EIF4ENIF1: variants seen among roughly 807,000 people sequenced by gnomAD.
The protein encoded by EIF4ENIF1 is eukaryotic translation initiation factor 4E nuclear import factor 1, also known as eukaryotic translation initiation factor 4E transporter.
Under a neutral mutation model 110.5 loss-of-function variants are expected in EIF4ENIF1, and 23 were observed. That is an observed-to-expected ratio of 0.21 (90% confidence interval 0.15 to 0.29). EIF4ENIF1 has a LOEUF of 0.29. EIF4ENIF1 is among the 10% of genes least tolerant of loss of function. The pLI, the probability that EIF4ENIF1 is intolerant of heterozygous loss-of-function variation, is 1.00. For missense variants in EIF4ENIF1, 1,031 were observed against 1,221.1 expected, an observed-to-expected ratio of 0.84 and a Z score of 2.32; for synonymous variants, 440 against 437.0, an observed-to-expected ratio of 1.01 and a Z score of -0.09.
At position 31,448,323 on chromosome 22, in the gene EIF4ENIF1, G is replaced by A. The variant is rs1354168062; in HGVS notation, c.1769-91C>T. ...TAATGCATGACATTTCTTGCTGAAC[G>A]CCATCTCTTGGAAAGCACTGATTTA... On this transcript the variant is annotated intron_variant, in intron 12 of 18. Transcript: ENST00000330125. The A allele has an allele frequency of 2.3e-5, 29 of 1,251,254 alleles. No individual in the cohort carries two copies. In the East Asian group the frequency reaches 4.7e-4, roughly 20 times the overall value. The allele number at this position is 1,251,254 out of a possible 1,614,324, so 77.5% of individuals were successfully genotyped here. A position where few individuals can be genotyped will look rare whatever the true frequency, so the allele number is the denominator to read the frequency against.
chr22:31,468,320 C>G lies in EIF4ENIF1; in HGVS notation c.171-18G>C, dbSNP rs747370409. 3.7e-6 allele frequency: 6 copies of G among 1,614,128 alleles called. 1 individual carries two copies. The South Asian group carries it at 6.6e-5, about 18-fold the overall frequency. ...CACCATCACTACAGGTCAAAAAATA[C>G]AACTGTTAGCACTTACGCCCATGAA... On this transcript the variant is annotated intron_variant, in intron 3 of 18. Transcript: ENST00000330125.
intron 14 of EIF4ENIF1, 139 bp from the exon 15 acceptor site, chr22:31,444,829 T>C (rs2050411903): frequency 1.3e-5 from 10 of 753,908 alleles, no homozygotes; most frequent in Non-Finnish European, 2.2e-5. Context: ...CATTTAGGCC[T>C]AACATACACA....
chr22:31,456,188 A>ACCAT (rs1485103677), intron 7 of EIF4ENIF1, among the ~76,000 whole-genome samples: 1 of 151,344 alleles, frequency 6.6e-6, no homozygotes, highest in Non-Finnish European at 1.5e-5. Flanking sequence ...CTTGAGTATA[A>ACCAT]CCATCTACTT....
At chr22:31,444,003 G>T (rs183708672) in intron 15 of EIF4ENIF1, among the ~76,000 whole-genome samples, 28 of 152,162 alleles carry the variant, frequency 1.8e-4, no homozygotes, top group Middle Eastern at 3.4e-3. Context: ...TCACTAGGTT[G>T]CCCAGTCTGG....
At chr22:31,475,717 C>T (rs1008284837) in intron 2 of EIF4ENIF1, among the ~76,000 whole-genome samples, 5 of 119,056 alleles carry the variant, frequency 4.2e-5, no homozygotes, top group Admixed American at 8.7e-5. Flanking sequence ...AGCGAGACTC[C>T]GTTTAAAAAA....
In EIF4ENIF1 at chr22:31,440,872, T is replaced by C. The variant is rs1156651997; in HGVS notation, c.2552-4A>G. 1 of 1,613,706 alleles carries C rather than the reference T, an allele frequency of 6.2e-7. No individual in the cohort carries two copies. The highest frequency in any genetic ancestry group is 1.3e-5 in the African/African-American group (1 of 74,922). On this transcript the variant is annotated splice_region_variant and splice_polypyrimidine_tract_variant and intron_variant, in intron 17 of 18. Transcript: ENST00000330125. ...TCCATCCCAGGAGGAAGCACACCTGTTGAGCAGAAAAAGCAAGCAGCTGAG... is the reference window on the plus strand; with the variant it reads ...TCCATCCCAGGAGGAAGCACACCTGCTGAGCAGAAAAAGCAAGCAGCTGAG...
In EIF4ENIF1 at chr22:31,463,206, G is replaced by A; in HGVS notation, c.586-73C>T. On this transcript the variant is annotated intron_variant, in intron 5 of 18. Coordinates refer to ENST00000330125, the MANE Select transcript of EIF4ENIF1 (RefSeq NM_019843.4). ...TTCTACTTCAGTCAAGGTCTTCGTTGTAATGTTCAATAGTGAAAGGAAGAT... is the reference window on the plus strand; with the variant it reads ...TTCTACTTCAGTCAAGGTCTTCGTTATAATGTTCAATAGTGAAAGGAAGAT... 3 of 1,427,004 alleles carry A rather than the reference G, an allele frequency of 2.1e-6. No individual in the cohort carries two copies. The Admixed American group carries it at 5.5e-5, about 26-fold the overall frequency. The allele number at this position is 1,427,004 out of a possible 1,614,324, so 88.4% of individuals were successfully genotyped here.
At chr22:31,441,407 G>A (rs2050290977) in intron 17 of EIF4ENIF1, among the ~76,000 whole-genome samples, 1 of 151,554 alleles carries the variant, frequency 6.6e-6, no homozygotes, top group Non-Finnish European at 1.5e-5. Flanking sequence ...GGGTGTGGCG[G>A]CGTGCACCTG....
intron 3 of EIF4ENIF1, among the ~76,000 whole-genome samples, chr22:31,469,156 C>T (rs568870352): frequency 3.9e-5 from 6 of 152,202 alleles, no homozygotes; most frequent in South Asian, 2.1e-4. Flanking sequence ...GTACTGTGCA[C>T]GAGCAGAAAC....
In EIF4ENIF1 at chr22:31,489,725, C is replaced by T. The variant is rs1371955231; in HGVS notation, c.-59G>A. 1 of 152,050 alleles carries T rather than the reference C, an allele frequency of 6.6e-6. No homozygotes were observed. The highest frequency in any genetic ancestry group is 2.4e-5 in the African/African-American group (1 of 41,234). The allele number at this position is 152,050 out of a possible 1,614,324, so 9.4% of individuals were successfully genotyped here. A position where few individuals can be genotyped will look rare whatever the true frequency, so the allele number is the denominator to read the frequency against. On this transcript the variant is annotated 5_prime_UTR_variant, in exon 1 of 19. Transcript: ENST00000330125. ...CCTCCGCCGCTCGGCGGCCCTTTGC[C>T]TCGGCCGCCGCTCCCCTCCCCGCTG...
At position 31,480,624 on chromosome 22, in the gene EIF4ENIF1, G is replaced by T. The variant is rs193286621; in HGVS notation, c.96+7999C>A. 5.3e-5 allele frequency among the ~76,000 whole-genome samples: 8 copies of T among 151,870 alleles called. No individual in the cohort carries two copies. In the East Asian group the frequency reaches 1.4e-3, roughly 26 times the overall value. On this transcript the variant is annotated intron_variant, in intron 2 of 18. Coordinates refer to ENST00000330125, the MANE Select transcript of EIF4ENIF1 (RefSeq NM_019843.4). ...CAAAAAATTAGCCGGGCATGGTGGC[G>T]TGCGCCTGTAGTCCCAGCTACTCGG... is the stretch of plus-strand genomic sequence containing the variant.
intron 2 of EIF4ENIF1, among the ~76,000 whole-genome samples, chr22:31,484,055 T>C (rs142997208): frequency 3.7e-4 from 56 of 152,230 alleles, no homozygotes; most frequent in African/African-American, 1.3e-3. Flanking sequence ...TGCATCTGAG[T>C]TACTTGACAC....
At chr22:31,490,567 G>A (rs756400797), upstream of EIF4ENIF1, among the ~76,000 whole-genome samples, 6 of 152,140 alleles carry the variant, frequency 3.9e-5, no homozygotes, top group Admixed American at 6.5e-5. Context: ...GTTTCCCTCC[G>A]GTAACCTGAA....
At chr22:31,453,172 A>G (rs2042917810) in intron 10 of EIF4ENIF1, among the ~76,000 whole-genome samples, 1 of 152,204 alleles carries the variant, frequency 6.6e-6, no homozygotes, top group Admixed American at 6.5e-5. Flanking sequence ...ATATTAACAC[A>G]TAGGCTATGG....
At chr22:31,447,342 C>A in intron 14 of EIF4ENIF1, 84 bp downstream of exon 14, 1 of 1,536,574 alleles carries the variant, frequency 6.5e-7, no homozygotes, top group Admixed American at 1.9e-5. Flanking sequence ...GTATGTACAA[C>A]AGAATTATAC....
In EIF4ENIF1 at chr22:31,439,708, C is replaced by G; in HGVS notation, c.*172G>C. Reference sequence around the variant, plus strand: ...TTCAGACAATGTACACTCCACTCGACTGGTTAAGATCCTTCCATCATAATG... The same window carrying G: ...TTCAGACAATGTACACTCCACTCGAGTGGTTAAGATCCTTCCATCATAATG... On this transcript the variant is annotated 3_prime_UTR_variant, in exon 19 of 19. Transcript: ENST00000330125. 1 of 861,586 alleles carries G rather than the reference C, an allele frequency of 1.2e-6. No homozygotes were observed. Among genetic ancestry groups the G allele is most frequent in the Non-Finnish European group, 1.7e-6 (1 of 579,508 alleles). The allele number at this position is 861,586 out of a possible 1,614,324, so 53.4% of individuals were successfully genotyped here.
upstream of EIF4ENIF1, among the ~76,000 whole-genome samples, chr22:31,493,099 T>C (rs554713583): frequency 6.6e-6 from 1 of 151,754 alleles, no homozygotes. Context: ...AGTAGCGTAA[T>C]CTCGGCTCAC....
intron 4 of EIF4ENIF1, among the ~76,000 whole-genome samples, chr22:31,466,990 C>A (rs546704131): frequency 3.9e-5 from 6 of 152,274 alleles, no homozygotes; most frequent in Non-Finnish European, 7.3e-5. Flanking sequence ...TTTTTCCAAA[C>A]ACAGGATACA....
chr22:31,440,633 G>A, intron 18 of EIF4ENIF1, 71 bp downstream of exon 18: 1 of 1,523,244 alleles, frequency 6.6e-7, no homozygotes, highest in Non-Finnish European at 8.9e-7. Context: ...ATCTCCACTG[G>A]AAACTAGTCC....
Sources: allele counts gnomAD v4.1 joint callset (sites outside exome capture counted in the v4.1 genomes callset), GRCh38; gene constraint gnomAD v4.1.1; transcripts MANE v1.5; gene names NCBI Gene and HGNC (gene_info 2026-07-23, HGNC 2026-07-21).